ATL2: variants seen among roughly 807,000 people sequenced by gnomAD.
The protein encoded by ATL2 is atlastin-2.
ATL2 carries 31 observed loss-of-function variants against 73.9 expected under a neutral mutation model. The observed-to-expected ratio is 0.42, with a 90% CI of 0.32 to 0.57. The LOEUF (loss-of-function observed/expected upper bound fraction) is 0.57, where lower values mean the gene tolerates loss of function less well. Ranked by LOEUF, ATL2 falls within the 20% of genes least tolerant of loss-of-function variation. The pLI is 0.14. For synonymous variants in ATL2, 291 were observed against 237.5 expected (o/e 1.23, Z -2.07); for missense variants, 738 against 702.6 (o/e 1.05, Z -0.57).
chr2:38,341,082 T>C (rs1223756646), intron 2 of ATL2, among the ~76,000 whole-genome samples: 2 of 152,218 alleles, frequency 1.3e-5, no homozygotes, highest in Admixed American at 6.5e-5. Flanking sequence ...GTGAAACTTA[T>C]CTGTCATTCC....
intron 2 of ATL2, among the ~76,000 whole-genome samples, chr2:38,339,397 T>G (rs1669568018): frequency 1.3e-5 from 2 of 152,138 alleles, no homozygotes; most frequent in Admixed American, 1.3e-4. Context: ...TAGTTAATAG[T>G]AATGTACCAA....
intron 1 of ATL2, among the ~76,000 whole-genome samples, chr2:38,368,595 A>G (rs1671487894): frequency 6.6e-6 from 1 of 152,356 alleles, no homozygotes; most frequent in African/African-American, 2.4e-5. Flanking sequence ...CCTAAAGACT[A>G]AGACTACCAC....
In ATL2 at chr2:38,309,767, T is replaced by G. The variant is rs533043840; in HGVS notation, c.944-261A>C. ...AACAAATAAAACATCAATAAATTTG[T>G]GGACTACCAAGACAAATTTCACATT... On this transcript the variant is annotated intron_variant, in intron 8 of 12. Coordinates refer to ENST00000378954, the MANE Select transcript of ATL2 (RefSeq NM_001135673.4). Among the ~76,000 whole-genome samples the G allele has an allele frequency of 2.6e-5, 4 of 152,294 alleles. No homozygotes were observed. The East Asian group carries it at 7.7e-4, about 29-fold the overall frequency.
At position 38,362,302 on chromosome 2, in the gene ATL2, C is replaced by T. The variant is rs577951117; in HGVS notation, c.118+14841G>A. On this transcript the variant is annotated intron_variant, in intron 1 of 12. Coordinates refer to ENST00000378954, the MANE Select transcript of ATL2 (RefSeq NM_001135673.4). ...CAATTACAAATACACATAACCCTTC[C>T]TTACCAGACATATCACGGGGCAAAA... is the stretch of plus-strand genomic sequence containing the variant. Among the ~76,000 whole-genome samples the T allele has an allele frequency of 2.5e-4, 38 of 152,280 alleles. 1 individual carries two copies. In the South Asian group the frequency reaches 7.9e-3, roughly 32 times the overall value.
At position 38,332,100 on chromosome 2, in the gene ATL2, TC is replaced by T. The variant is rs1336297833; in HGVS notation, c.363+11167del. Among the ~76,000 whole-genome samples the T allele has an allele frequency of 9.9e-5, 15 of 152,266 alleles. No homozygotes were observed. The East Asian group carries it at 2.5e-3, about 25-fold the overall frequency. Reference sequence around the variant, plus strand: ...TTTTAAGATTCAACTTACATGAATGTCCACAGAGACAGAAAATAGATTAGCG... The same window carrying T: ...TTTTAAGATTCAACTTACATGAATGTCACAGAGACAGAAAATAGATTAGCG... On this transcript the variant is annotated intron_variant, in intron 2 of 12. Coordinates refer to ENST00000378954, the MANE Select transcript of ATL2 (RefSeq NM_001135673.4).
At chr2:38,350,116 C>A (rs572891798) in intron 1 of ATL2, among the ~76,000 whole-genome samples, 1 of 152,184 alleles carries the variant, frequency 6.6e-6, no homozygotes, top group South Asian at 2.1e-4. Context: ...AAATTCCACA[C>A]CACTCTAAGA....
intron 2 of ATL2, among the ~76,000 whole-genome samples, chr2:38,339,088 C>CACCTGT (rs1209388874): frequency 2.0e-5 from 3 of 152,070 alleles, no homozygotes; most frequent in Non-Finnish European, 2.9e-5. Context: ...TGGTGGCAGG[C>CACCTGT]ACCTGTAATC....
chr2:38,346,880 C>T (rs1670046506), intron 1 of ATL2, among the ~76,000 whole-genome samples: 1 of 152,170 alleles, frequency 6.6e-6, no homozygotes, highest in Non-Finnish European at 1.5e-5. Context: ...CTGCTAAGCT[C>T]TTTCTAGACT....
chr2:38,346,443 C>T (rs369165585), intron 1 of ATL2, among the ~76,000 whole-genome samples: 1 of 152,064 alleles, frequency 6.6e-6, no homozygotes, highest in African/African-American at 2.4e-5. Flanking sequence ...CCGTACTCAC[C>T]GCCAATCTCT....
At chr2:38,370,150 CAAAAAAAAAAAAAA>C (rs962952444) in intron 1 of ATL2, among the ~76,000 whole-genome samples, 1 of 43,928 alleles carries the variant, frequency 2.3e-5, no homozygotes, top group Non-Finnish European at 4.1e-5. Context: ...GAGACTCCGT[CAAAAAAAAAAAAAA>C]AAAAAAAGAA....
chr2:38,321,167 T>C (rs1316275633), intron 2 of ATL2, among the ~76,000 whole-genome samples: 5 of 152,020 alleles, frequency 3.3e-5, no homozygotes, highest in Admixed American at 2.6e-4. Flanking sequence ...AGAGAGACTG[T>C]CTCAAACAAA....
At chr2:38,297,466 G>A (rs2148397812) in intron 12 of ATL2, among the ~76,000 whole-genome samples, 3 of 152,272 alleles carry the variant, frequency 2.0e-5, no homozygotes, top group South Asian at 4.1e-4. Flanking sequence ...GCACACCGGA[G>A]GCAGATACAC....
intron 12 of ATL2, 25 bp from the exon 13 acceptor site, chr2:38,296,138 C>A: frequency 1.3e-6 from 2 of 1,523,618 alleles, no homozygotes; most frequent in South Asian, 1.3e-5. Context: ...ATGTGCAAAA[C>A]AAACAAAAAC....
At chr2:38,326,943 G>A (rs993778560) in intron 2 of ATL2, among the ~76,000 whole-genome samples, 12 of 151,848 alleles carry the variant, frequency 7.9e-5, no homozygotes, top group African/African-American at 2.7e-4. Context: ...AGCCAAGATC[G>A]CACCACTGCA....
intron 2 of ATL2, among the ~76,000 whole-genome samples, chr2:38,332,300 G>C (rs1573504900): frequency 6.6e-6 from 1 of 152,112 alleles, no homozygotes; most frequent in African/African-American, 2.4e-5. Context: ...TCAACCTCCT[G>C]GGCTCAAGAC....
At chr2:38,345,355 T>C (rs1669959443) in intron 1 of ATL2, among the ~76,000 whole-genome samples, 1 of 152,200 alleles carries the variant, frequency 6.6e-6, no homozygotes, top group Non-Finnish European at 1.5e-5. Flanking sequence ...AAAGATTATA[T>C]AACTACATTA....
intron 2 of ATL2, among the ~76,000 whole-genome samples, chr2:38,337,281 TC>T (rs777866114): frequency 6.6e-6 from 1 of 151,434 alleles, no homozygotes; most frequent in African/African-American, 2.4e-5. Context: ...GGTCAGGAGT[TC>T]CATACCAGCC....
intron 2 of ATL2, among the ~76,000 whole-genome samples, chr2:38,335,218 C>G (rs1669284011): frequency 6.6e-6 from 1 of 151,798 alleles, no homozygotes; most frequent in Non-Finnish European, 1.5e-5. Flanking sequence ...GGTATTTCCC[C>G]CTGTGACCCA....
At chr2:38,365,625 C>T (rs961543097) in intron 1 of ATL2, among the ~76,000 whole-genome samples, 19 of 152,010 alleles carry the variant, frequency 1.2e-4, no homozygotes, top group African/African-American at 4.6e-4. Context: ...CCCATCTCTA[C>T]TAAAAATACA....
Sources: gnomAD v4.1 joint callset for allele counts (sites outside exome capture counted in the v4.1 genomes callset) on GRCh38, gnomAD v4.1.1 for gene constraint, MANE v1.5 for transcripts, NCBI Gene and HGNC (gene_info 2026-07-23, HGNC 2026-07-21) for gene names.